TK1: variants seen among roughly 807,000 people sequenced by gnomAD.
The protein encoded by TK1 is thymidine kinase 1.
TK1 carries 13 observed loss-of-function variants against 22.4 expected under a neutral mutation model. The observed-to-expected ratio is 0.58, with a 90% CI of 0.38 to 0.92. TK1 has a LOEUF of 0.92. Among genes scored for constraint, TK1 ranks in the 40% least tolerant of loss-of-function variants. The pLI is 0.00. For synonymous variants in TK1, 134 were observed against 125.4 expected, an observed-to-expected ratio of 1.07 and a Z score of -0.46; for missense variants, 251 against 315.7, an observed-to-expected ratio of 0.80 and a Z score of 1.55.
intron 4 of TK1, among the ~76,000 whole-genome samples, chr17:78,176,778 T>A (rs945315660): frequency 2.6e-5 from 4 of 152,184 alleles, no homozygotes; most frequent in Admixed American, 2.0e-4. Context: ...CGGATCTCGC[T>A]GTGTCCTGTG....
chr17:78,184,669 C>T (rs1265915144), intron 3 of TK1, among the ~76,000 whole-genome samples: 3 of 152,168 alleles, frequency 2.0e-5, no homozygotes, highest in Non-Finnish European at 4.4e-5. Flanking sequence ...AGTTTCTGAA[C>T]ACTGGCAGGC....
Position 78,186,997 on chromosome 17 carries a change from C to A in TK1, c.-3G>T. 6.3e-7 allele frequency: 1 copy of A among 1,584,706 alleles called. No individual in the cohort carries two copies. The highest frequency in any genetic ancestry group is 1.3e-5 in the African/African-American group (1 of 74,172). On this transcript the variant is annotated 5_prime_UTR_variant, in exon 1 of 7. Coordinates refer to ENST00000301634, the MANE Select transcript of TK1 (RefSeq NM_003258.5). The stretch of plus-strand genomic sequence containing the variant: ...GTGGGCAGGTTAATGCAGCTCATTG[C>A]GCCTCCGGGAAGTTCACGAACCCGA...
chr17:78,175,395 G>T, intron 5 of TK1, 134 bp downstream of exon 5: 1 of 1,094,292 alleles, frequency 9.1e-7, no homozygotes, highest in Non-Finnish European at 1.3e-6. Flanking sequence ...CCTTGGCTCA[G>T]CCAAGGCCTG....
chr17:78,182,022 C>G (rs2075741440), intron 4 of TK1, among the ~76,000 whole-genome samples: 3 of 151,982 alleles, frequency 2.0e-5, no homozygotes, highest in Admixed American at 2.0e-4. Context: ...CTCCCACAGG[C>G]TGAGATTACA....
intron 4 of TK1, among the ~76,000 whole-genome samples, chr17:78,181,677 A>G (rs578019251): frequency 1.3e-5 from 2 of 152,260 alleles, no homozygotes; most frequent in South Asian, 4.1e-4. Flanking sequence ...AAACTACTAA[A>G]AAAGGTACTT....
At chr17:78,184,894 G>A (rs1028308400) in intron 3 of TK1, among the ~76,000 whole-genome samples, 161 bp downstream of exon 3, 1 of 152,106 alleles carries the variant, frequency 6.6e-6, no homozygotes, top group African/African-American at 2.4e-5. Context: ...AGCCCAGGGA[G>A]TGGAGAGTGT....
At chr17:78,184,449 C>A (rs1261194554) in intron 3 of TK1, among the ~76,000 whole-genome samples, 13 of 152,214 alleles carry the variant, frequency 8.5e-5, no homozygotes, top group Admixed American at 7.2e-4. Flanking sequence ...ACATCTGCTG[C>A]CAAGGAAGTG....
intron 3 of TK1, 66 bp from the exon 4 acceptor site, chr17:78,182,748 G>A (rs2075747049): frequency 7.8e-7 from 1 of 1,289,146 alleles, no homozygotes; most frequent in South Asian, 1.5e-5. Context: ...CAGGGGCCAG[G>A]GAATGGCACT....
chr17:78,182,357 G>A (rs1272541030), intron 4 of TK1, among the ~76,000 whole-genome samples: 1 of 134,992 alleles, frequency 7.4e-6, no homozygotes, highest in Non-Finnish European at 1.5e-5. Flanking sequence ...GGCAACAAGA[G>A]CAAAACTCCG....
At chr17:78,175,719 TTTGGCCCGGAGTAACTCTTAA>T (rs2145821604) in intron 4 of TK1, 101 bp from the exon 5 acceptor site, 3 of 1,052,114 alleles carry the variant, frequency 2.9e-6, no homozygotes, top group Admixed American at 2.2e-5. Context: ...ACTCCGGCCA[TTTGGCCCGGAGTAACTCTTAA>T]TTCTCCCACG....
chr17:78,180,178 G>A (rs1014292312), intron 4 of TK1, among the ~76,000 whole-genome samples: 1 of 152,228 alleles, frequency 6.6e-6, no homozygotes, highest in Non-Finnish European at 1.5e-5. Flanking sequence ...GCAGCTTCTG[G>A]TCAGGCCCAT....
Position 78,186,938 on chromosome 17 carries a change from C to T in TK1, c.57G>A (p.Gly19=), listed in dbSNP as rs753186382. 6.4e-7 allele frequency: 1 copy of T among 1,570,418 alleles called. No individual in the cohort carries two copies. Among genetic ancestry groups the T allele is most frequent in the Admixed American group, 1.9e-5 (1 of 53,512 alleles). ...VLPGSPSKTR[G]QIQVILGPMF... ...GGGCTGGCCCCCGCACCTGGATCTGCCCCCGGGTCTTGCTGGGGGAGCCAG... is the reference window on the plus strand; with the variant it reads ...GGGCTGGCCCCCGCACCTGGATCTGTCCCCGGGTCTTGCTGGGGGAGCCAG... The change falls in exon 1 of 7, where the codon GGG becomes GGA. Residue 19 remains glycine, a synonymous_variant. Coordinates refer to ENST00000301634, the MANE Select transcript of TK1 (RefSeq NM_003258.5).
chr17:78,175,726 C>T (rs760555670), intron 4 of TK1, 108 bp from the exon 5 acceptor site: 14 of 959,854 alleles, frequency 1.5e-5, no homozygotes, highest in East Asian at 9.9e-5. Context: ...CCATTTGGCC[C>T]GGAGTAACTC....
intron 2 of TK1, 92 bp downstream of exon 2, chr17:78,186,670 AAGGGGAGGGAAGGGAAGGGGAGGGG>A (rs2075798904): frequency 8.4e-6 from 7 of 832,578 alleles, no homozygotes; most frequent in East Asian, 3.6e-5. Flanking sequence ...AGGGGAAGGG[AAGGGGAGGGAAGGGAAGGGGAGGGG>A]AGGGGAGGGG....
At chr17:78,175,010 C>T in intron 6 of TK1, 40 bp downstream of exon 6, 1 of 1,610,574 alleles carries the variant, frequency 6.2e-7, no homozygotes, top group Non-Finnish European at 8.5e-7. Context: ...AGAGCCATAC[C>T]CCCACCCCGC....
At position 78,182,664 on chromosome 17, in the gene TK1, C is replaced by T. The variant is rs757663220; in HGVS notation, c.228G>A (p.Leu76=). ...CCACGTCTCGGAGCAGGCAGGCGGG[C>T]AGTGCCTCCATGGTGTTCCTGGGAA... ...CTHDRNTMEA[L]PACLLRDVAQ... is the part of the protein sequence containing the mutation. Residue 76 remains leucine (L), a synonymous_variant, in exon 4 of 7, where the codon CTG becomes CTA. Transcript: ENST00000301634. 3.8e-6 allele frequency: 6 copies of T among 1,589,608 alleles called. No homozygotes were observed. The East Asian group carries it at 1.4e-4, about 36-fold the overall frequency.
At chr17:78,175,280 A>G in intron 5 of TK1, 111 bp from the exon 6 acceptor site, 2 of 1,409,520 alleles carry the variant, frequency 1.4e-6, no homozygotes, top group Non-Finnish European at 1.9e-6. Flanking sequence ...CTCTGACCTT[A>G]GTCCTTCCCC....
intron 4 of TK1, among the ~76,000 whole-genome samples, chr17:78,181,920 A>G (rs1408024477): frequency 1.4e-5 from 2 of 140,882 alleles, no homozygotes; most frequent in East Asian, 3.9e-4. Context: ...ATGACTGGCT[A>G]ATTTCTTTTT....
chr17:78,175,064 C>A lies in TK1; in HGVS notation c.499G>T (p.Gly167Cys), dbSNP rs754747109. The change falls in exon 6 of 7, where the codon GGC becomes TGC. Residue 167 changes from glycine (G) to cysteine (C), a missense_variant. Gly to Cys is a radical substitution (Grantham distance 159, BLOSUM62 -3). Coordinates refer to ENST00000301634, the MANE Select transcript of TK1 (RefSeq NM_003258.5). ...FREAAYTKRL[G>C]TEKEVEVIGG... Reference sequence around the variant, plus strand: ...GGTGGAGCTACCTCCTTCTCTGTGCCGAGCCTCTTGGTATAGGCGGCTTCC... The same window carrying A: ...GGTGGAGCTACCTCCTTCTCTGTGCAGAGCCTCTTGGTATAGGCGGCTTCC... The A allele has an allele frequency of 6.2e-7, 1 of 1,613,412 alleles. No individual in the cohort carries two copies. The highest frequency in any genetic ancestry group is 1.3e-5 in the African/African-American group (1 of 74,826).
Sources: gnomAD v4.1 joint callset for allele counts (sites outside exome capture counted in the v4.1 genomes callset) on GRCh38, gnomAD v4.1.1 for gene constraint, MANE v1.5 for transcripts, NCBI Gene and HGNC (gene_info 2026-07-23, HGNC 2026-07-21) for gene names.